Variants in ZNF521 observed in about 807,000 individuals in gnomAD.
ZNF521 encodes the protein zinc finger protein 521.
ZNF521 carries 14 observed loss-of-function variants against 105.5 expected under a neutral mutation model. The ratio of observed to expected loss-of-function variants is 0.13; its 90% CI spans 0.09 to 0.21. ZNF521 has a LOEUF of 0.21. Among genes scored for constraint, ZNF521 ranks in the 10% least tolerant of loss-of-function variants. The pLI, the probability that ZNF521 is intolerant of heterozygous loss-of-function variation, is 1.00. For synonymous variants in ZNF521, 635 were observed against 606.0 expected (o/e 1.05, Z -0.70); for missense variants, 1,233 against 1,629.7 (o/e 0.76, Z 4.19).
chr18:25,151,300 T>C (rs1364419229), intron 5 of ZNF521, among the ~76,000 whole-genome samples: 1 of 152,204 alleles, frequency 6.6e-6, no homozygotes, highest in East Asian at 1.9e-4. Context: ...GTACTCATCA[T>C]TGAAGATTCT....
At chr18:25,215,467 A>G (rs1231316611) in intron 4 of ZNF521, among the ~76,000 whole-genome samples, 1 of 151,934 alleles carries the variant, frequency 6.6e-6, no homozygotes, top group Non-Finnish European at 1.5e-5. Context: ...TCCTGACTAG[A>G]TATTTACTAA....
chr18:25,270,699 A>C (rs963312365), intron 3 of ZNF521, among the ~76,000 whole-genome samples: 1 of 152,228 alleles, frequency 6.6e-6, no homozygotes, highest in African/African-American at 2.4e-5. Context: ...CACTAGATGC[A>C]GAAAAGGCCT....
chr18:25,281,946 T>C (rs546361474), intron 3 of ZNF521, among the ~76,000 whole-genome samples: 2 of 151,354 alleles, frequency 1.3e-5, no homozygotes, highest in South Asian at 4.2e-4. Flanking sequence ...AAAAAAAAAA[T>C]CCTCTCATAT....
intron 5 of ZNF521, among the ~76,000 whole-genome samples, chr18:25,119,483 T>C (rs901152367): frequency 1.3e-5 from 2 of 152,108 alleles, no homozygotes; most frequent in African/African-American, 2.4e-5. Flanking sequence ...TCTATTCATA[T>C]GGAATTAAAT....
At chr18:25,247,066 C>G (rs909712582) in intron 3 of ZNF521, among the ~76,000 whole-genome samples, 2 of 152,202 alleles carry the variant, frequency 1.3e-5, no homozygotes, top group African/African-American at 4.8e-5. Context: ...ATGCAGTCAT[C>G]AATTCCATAA....
chr18:25,097,341 C>T (rs769549874), intron 5 of ZNF521, among the ~76,000 whole-genome samples: 4 of 152,102 alleles, frequency 2.6e-5, no homozygotes, highest in Non-Finnish European at 5.9e-5. Flanking sequence ...GAGAATATGA[C>T]TTAGGCTTCA....
At chr18:25,229,152 T>C (rs1333634742) in intron 3 of ZNF521, among the ~76,000 whole-genome samples, 1 of 152,256 alleles carries the variant, frequency 6.6e-6, no homozygotes, top group Non-Finnish European at 1.5e-5. Flanking sequence ...GTGAGCATTA[T>C]GTAAACGAAT....
chr18:25,135,093 T>C (rs894412348), intron 5 of ZNF521, among the ~76,000 whole-genome samples: 3 of 152,096 alleles, frequency 2.0e-5, no homozygotes, highest in African/African-American at 7.2e-5. Context: ...AATTATCAGC[T>C]AAATTATTTC....
At chr18:25,142,261 TCTGGCTA>T (rs1487217643) in intron 5 of ZNF521, among the ~76,000 whole-genome samples, 1 of 152,200 alleles carries the variant, frequency 6.6e-6, no homozygotes, top group African/African-American at 2.4e-5. Flanking sequence ...CTCATCCATC[TCTGGCTA>T]CTACCAAGCT....
At chr18:25,190,233 T>C (rs1600136903) in intron 5 of ZNF521, among the ~76,000 whole-genome samples, 1 of 152,128 alleles carries the variant, frequency 6.6e-6, no homozygotes, top group Admixed American at 6.5e-5. Context: ...CTGAATTTTG[T>C]AAGCAATCAA....
rs1490221877 is a variant in ZNF521 at position 25,228,971 on chromosome 18, C to G, written c.221-1274G>C. ...TTCAAAAAAACACACAAGTAAAGAC[C>G]ATGGAGTGGAGCTGGTGGGGATAGT... is the stretch of plus-strand genomic sequence containing the variant. On this transcript the variant is annotated intron_variant, in intron 3 of 7. Coordinates refer to ENST00000361524, the MANE Select transcript of ZNF521 (RefSeq NM_015461.3). Among the ~76,000 whole-genome samples the G allele has an allele frequency of 2.6e-5, 4 of 152,186 alleles. No homozygotes were observed. In the East Asian group the frequency reaches 7.7e-4, roughly 29 times the overall value.
intron 3 of ZNF521, among the ~76,000 whole-genome samples, chr18:25,310,086 C>A (rs914162792): frequency 2.6e-5 from 4 of 152,082 alleles, no homozygotes; most frequent in Admixed American, 2.0e-4. Context: ...ATATCTACCT[C>A]CTATTCTAGT....
chr18:25,190,257 T>TA (rs2075955510), intron 5 of ZNF521, among the ~76,000 whole-genome samples: 1 of 152,102 alleles, frequency 6.6e-6, no homozygotes, highest in Non-Finnish European at 1.5e-5. Flanking sequence ...AGGATTTTTT[T>TA]TAAAAAAGGG....
At chr18:25,276,431 C>T (rs911211817) in intron 3 of ZNF521, among the ~76,000 whole-genome samples, 2 of 152,058 alleles carry the variant, frequency 1.3e-5, no homozygotes, top group African/African-American at 4.8e-5. Context: ...CCACAAAAGC[C>T]CTTGATTTAT....
chr18:25,266,570 G>C (rs1469167697), intron 3 of ZNF521, among the ~76,000 whole-genome samples: 1 of 152,208 alleles, frequency 6.6e-6, no homozygotes, highest in Non-Finnish European at 1.5e-5. Context: ...CATTGGGACT[G>C]CTTGGACAGT....
chr18:25,190,644 T>C (rs2035802599), intron 5 of ZNF521, among the ~76,000 whole-genome samples: 1 of 152,148 alleles, frequency 6.6e-6, no homozygotes, highest in Non-Finnish European at 1.5e-5. Flanking sequence ...AGTCACATAG[T>C]ACACCACCCA....
At chr18:25,265,007 G>A (rs927397947) in intron 3 of ZNF521, among the ~76,000 whole-genome samples, 1 of 152,064 alleles carries the variant, frequency 6.6e-6, no homozygotes, top group Non-Finnish European at 1.5e-5. Flanking sequence ...TATCACCGGG[G>A]AAAAATAAAC....
At chr18:25,242,895 G>T (rs1384496597) in intron 3 of ZNF521, among the ~76,000 whole-genome samples, 1 of 152,102 alleles carries the variant, frequency 6.6e-6, no homozygotes, top group Admixed American at 6.6e-5. Flanking sequence ...CTTCAAATAC[G>T]CAATGCCATC....
In ZNF521 at chr18:25,288,922, G is replaced by T. The variant is rs185243103; in HGVS notation, c.220+33086C>A. ...ACTTTGGTCATGAGCTTTTCATGCT[G>T]CCATTAACAAAATAAATATGTTTTC... On this transcript the variant is annotated intron_variant, in intron 3 of 7. Coordinates refer to ENST00000361524, the MANE Select transcript of ZNF521 (RefSeq NM_015461.3). Among the ~76,000 whole-genome samples the T allele has an allele frequency of 1.9e-3, 296 of 152,268 alleles. 1 individual carries two copies. Among genetic ancestry groups the T allele is most frequent in the Non-Finnish European group, 3.3e-3 (223 of 68,012 alleles).
Sources: allele counts gnomAD v4.1 joint callset (sites outside exome capture counted in the v4.1 genomes callset), GRCh38; gene constraint gnomAD v4.1.1; transcripts MANE v1.5; gene names NCBI Gene and HGNC (gene_info 2026-07-23, HGNC 2026-07-21).